TRAPPC9: variants seen among roughly 807,000 people sequenced by gnomAD.
The protein encoded by TRAPPC9 is trafficking protein particle complex subunit 9.
Under a neutral mutation model 124.0 loss-of-function variants are expected in TRAPPC9, and 83 were observed. That is an observed-to-expected ratio of 0.67 (90% confidence interval 0.56 to 0.80). TRAPPC9 has a LOEUF of 0.80. Among genes scored for constraint, TRAPPC9 ranks in the 30% least tolerant of loss-of-function variants. The pLI is 0.00. For missense variants in TRAPPC9, 1,302 were observed against 1,508.3 expected, an observed-to-expected ratio of 0.86 and a Z score of 2.27; for synonymous variants, 638 against 617.5, an observed-to-expected ratio of 1.03 and a Z score of -0.49.
In TRAPPC9 at chr8:140,355,983, A is replaced by G. The variant is rs185122755; in HGVS notation, c.1495+4067T>C. On this transcript the variant is annotated intron_variant, in intron 9 of 22. Transcript: ENST00000438773. ...AAGTGAACAAAGCTTAAAAATATAA[A>G]CAGGATAAGAAAAAACGGTGGGGAA... Among the ~76,000 whole-genome samples the G allele has an allele frequency of 3.3e-3, 497 of 152,338 alleles. 3 individuals are homozygous for G. The highest frequency in any genetic ancestry group is 0.011 in the African/African-American group (475 of 41,566).
intron 18 of TRAPPC9, among the ~76,000 whole-genome samples, chr8:140,014,131 G>C (rs1163469599): frequency 6.6e-6 from 1 of 152,144 alleles, no homozygotes; most frequent in Non-Finnish European, 1.5e-5. Context: ...CGGTGGCAGG[G>C]TGTCTATCAA....
chr8:139,871,805 A>AGGTG lies in TRAPPC9; in HGVS notation c.3055+14070_3055+14073dup, dbSNP rs757334746. Among the ~76,000 whole-genome samples the AGGTG allele has an allele frequency of 5.0e-4, 76 of 152,292 alleles. 1 individual carries two copies. In the South Asian group the frequency reaches 0.015, roughly 31 times the overall value. On this transcript the variant is annotated intron_variant, in intron 21 of 22. Coordinates refer to ENST00000438773, the MANE Select transcript of TRAPPC9 (RefSeq NM_001160372.4). ...TGAATGGACGAATATGTGGGTGGGT[A>AGGTG]GGTGGGTGGATGGACTGATGAGCGG...
intron 18 of TRAPPC9, among the ~76,000 whole-genome samples, chr8:140,002,565 T>C (rs1429128286): frequency 6.6e-5 from 10 of 152,006 alleles, no homozygotes; most frequent in Non-Finnish European, 1.2e-4. Flanking sequence ...GACCCAATTT[T>C]AGTAGTAAAA....
At chr8:140,240,986 G>A (rs935256682) in intron 16 of TRAPPC9, among the ~76,000 whole-genome samples, 14 of 152,166 alleles carry the variant, frequency 9.2e-5, no homozygotes, top group African/African-American at 3.1e-4. Flanking sequence ...CCATTCCCAC[G>A]GGGATCCCCT....
intron 21 of TRAPPC9, among the ~76,000 whole-genome samples, chr8:139,769,185 C>A (rs1347155418): frequency 2.0e-5 from 3 of 152,210 alleles, no homozygotes; most frequent in East Asian, 3.8e-4. Flanking sequence ...ACGGCTGAAA[C>A]CTCAGATAGT....
chr8:140,161,150 C>G (rs1460214070), intron 17 of TRAPPC9, among the ~76,000 whole-genome samples: 1 of 152,184 alleles, frequency 6.6e-6, no homozygotes, highest in Non-Finnish European at 1.5e-5. Flanking sequence ...TCCCCCAACC[C>G]TTCAGCAGGG....
intron 19 of TRAPPC9, among the ~76,000 whole-genome samples, chr8:139,917,038 A>G (rs1563920254): frequency 6.6e-6 from 1 of 152,166 alleles, no homozygotes; most frequent in Non-Finnish European, 1.5e-5. Context: ...ATGAGAAGGG[A>G]CTTTGAGCAG....
At chr8:140,090,194 C>G (rs1365777048) in intron 17 of TRAPPC9, among the ~76,000 whole-genome samples, 3 of 152,198 alleles carry the variant, frequency 2.0e-5, no homozygotes, top group African/African-American at 7.2e-5. Context: ...TGTAGGTTGA[C>G]CCGGTTTGAA....
chr8:140,385,944 C>T (rs1588259762), intron 7 of TRAPPC9, among the ~76,000 whole-genome samples: 1 of 152,198 alleles, frequency 6.6e-6, no homozygotes, highest in East Asian at 1.9e-4. Context: ...CCGAATCCAG[C>T]AGCACATCAA....
chr8:139,756,454 G>T (rs144891517), intron 21 of TRAPPC9, among the ~76,000 whole-genome samples: 1 of 85,962 alleles, frequency 1.2e-5, no homozygotes, highest in Admixed American at 1.2e-4. Context: ...ACAGCAGGTC[G>T]CAGAAGGAGC....
chr8:139,892,382 C>T (rs1830408729), intron 20 of TRAPPC9, among the ~76,000 whole-genome samples: 1 of 152,178 alleles, frequency 6.6e-6, no homozygotes, highest in African/African-American at 2.4e-5. Context: ...TGAAGGAGAA[C>T]CTCCTGCAGA....
intron 17 of TRAPPC9, among the ~76,000 whole-genome samples, chr8:140,101,532 C>CTTTTTTTTTTT (rs1234280796): frequency 7.6e-5 from 6 of 78,726 alleles, no homozygotes; most frequent in Admixed American, 1.4e-4. Flanking sequence ...GTAGGGTTTT[C>CTTTTTTTTTTT]TTTTTTTTGT....
chr8:140,170,556 TA>T lies in TRAPPC9; in HGVS notation c.2556+50902del, dbSNP rs1434700063. Among the ~76,000 whole-genome samples the T allele has an allele frequency of 2.6e-5, 4 of 151,966 alleles. No homozygotes were observed. In the East Asian group the frequency reaches 7.7e-4, roughly 29 times the overall value. ...ACCTCTCAGGAACTTGAAACCCAAT[TA>T]GGGGGACATATAGACATCCCACTCT... On this transcript the variant is annotated intron_variant, in intron 17 of 22. Coordinates refer to ENST00000438773, the MANE Select transcript of TRAPPC9 (RefSeq NM_001160372.4).
Position 140,139,637 on chromosome 8 carries a change from T to C in TRAPPC9, c.2556+81822A>G, listed in dbSNP as rs73361163. Among the ~76,000 whole-genome samples the C allele has an allele frequency of 4.1e-3, 622 of 151,970 alleles. 5 individuals are homozygous for C. The highest frequency in any genetic ancestry group is 0.014 in the African/African-American group (600 of 41,434). On this transcript the variant is annotated intron_variant, in intron 17 of 22. Transcript: ENST00000438773. ...TACTGCCACATACAAAAACATAACATTGAGGAAAAGCCAGATACAAAAAAA... is the reference window on the plus strand; with the variant it reads ...TACTGCCACATACAAAAACATAACACTGAGGAAAAGCCAGATACAAAAAAA...
chr8:139,839,151 T>C (rs1434674988), intron 21 of TRAPPC9, among the ~76,000 whole-genome samples: 2 of 152,240 alleles, frequency 1.3e-5, no homozygotes, highest in African/African-American at 4.8e-5. Flanking sequence ...AGCACTGTGC[T>C]TGTCCGGGAC....
rs149370862 is a variant in TRAPPC9 at position 140,271,336 on chromosome 8, A to C, written c.2278+4322T>G. 8.0e-3 allele frequency among the ~76,000 whole-genome samples: 1,225 copies of C among 152,344 alleles called. 8 individuals are homozygous for C. Among genetic ancestry groups the C allele is most frequent in the Non-Finnish European group, 0.012 (791 of 68,030 alleles). On this transcript the variant is annotated intron_variant, in intron 15 of 22. Coordinates refer to ENST00000438773, the MANE Select transcript of TRAPPC9 (RefSeq NM_001160372.4). ...TTTTAAAATAAGACACAAATAAACA[A>C]CATTTTTAAAAGAAAAAATGATTAA...
At chr8:139,758,252 G>A (rs1819986565) in intron 21 of TRAPPC9, among the ~76,000 whole-genome samples, 1 of 152,204 alleles carries the variant, frequency 6.6e-6, no homozygotes, top group Non-Finnish European at 1.5e-5. Context: ...CTTATGTGGG[G>A]TGGGGACATG....
intron 17 of TRAPPC9, 91 bp downstream of exon 17, chr8:140,221,368 T>C: frequency 6.4e-7 from 1 of 1,571,868 alleles, no homozygotes; most frequent in Non-Finnish European, 8.7e-7. Context: ...TAGCCTTTCC[T>C]TTCTGAAAAG....
At chr8:140,221,697 G>C in intron 16 of TRAPPC9, 114 bp from the exon 17 acceptor site, 2 of 1,369,478 alleles carry the variant, frequency 1.5e-6, no homozygotes, top group Non-Finnish European at 2.0e-6. Flanking sequence ...GAGTGCAGTG[G>C]TGCAATCTCT....
Sources: gnomAD v4.1 joint callset for allele counts (sites outside exome capture counted in the v4.1 genomes callset) on GRCh38, gnomAD v4.1.1 for gene constraint, MANE v1.5 for transcripts, NCBI Gene and HGNC (gene_info 2026-07-23, HGNC 2026-07-21) for gene names.